ZNF292: variants seen among roughly 807,000 people sequenced by gnomAD.
The protein encoded by ZNF292 is zinc finger protein 292.
ZNF292 carries 26 observed loss-of-function variants against 217.9 expected under a neutral mutation model. The ratio of observed to expected loss-of-function variants is 0.12; its 90% confidence interval spans 0.09 to 0.17. ZNF292 has a LOEUF of 0.17. ZNF292 is among the 10% of genes least tolerant of loss of function. ZNF292 has a pLI of 1.00. For synonymous variants in ZNF292, 1,257 were observed against 1,124.1 expected, an observed-to-expected ratio of 1.12 and a Z score of -2.37; for missense variants, 2,904 against 3,175.2, an observed-to-expected ratio of 0.91 and a Z score of 2.05.
chr6:87,189,408 TTAAC>T (rs1040481108), intron 1 of ZNF292, among the ~76,000 whole-genome samples: 13 of 152,146 alleles, frequency 8.5e-5, no homozygotes, highest in East Asian at 1.9e-4. Context: ...ATTATTATTA[TTAAC>T]TAAGTCCATA....
rs187548657 is a variant in ZNF292, at chr6:87,239,253, C to T, written c.742-4222C>T. On this transcript the variant is annotated intron_variant, in intron 5 of 7. Transcript: ENST00000369577. ...GGGGCTCCTCAATTCCCAGAAGGGG[C>T]GGCCGGGCAAAGGCACCCCTCACCT... Among the ~76,000 whole-genome samples the T allele has an allele frequency of 4.5e-3, 679 of 149,422 alleles. 5 individuals carry two copies. The highest frequency in any genetic ancestry group is 0.018 in the Middle Eastern group (5 of 282).
At chr6:87,230,224 C>G (rs1008736071) in intron 4 of ZNF292, among the ~76,000 whole-genome samples, 4 of 151,982 alleles carry the variant, frequency 2.6e-5, no homozygotes, top group Non-Finnish European at 4.4e-5. Flanking sequence ...AACAGCTAGT[C>G]AAAGATGCTG....
rs1384730712 is a variant in ZNF292 at position 87,255,009 on chromosome 6, G to A, written c.1380G>A (p.Met460Ile). Residue 460 changes from methionine to isoleucine, a missense_variant, in exon 8 of 8, where the codon ATG (methionine) becomes ATA (isoleucine). Coordinates refer to ENST00000369577, the MANE Select transcript of ZNF292 (RefSeq NM_015021.3). ...KTLKRQCLALMGEEASIVSSI... is the reference protein window; with the variant it reads ...KTLKRQCLALIGEEASIVSSI... ...TGAAACGACAATGTCTTGCATTAAT[G>A]GGAGAAGAAGCATCCATTGTGTCTT... The A allele has an allele frequency of 6.2e-7, 1 of 1,613,642 alleles. No individual in the cohort carries two copies. The highest frequency in any genetic ancestry group is 1.3e-5 in the African/African-American group (1 of 74,914).
chr6:87,224,429 A>G lies in ZNF292; in HGVS notation c.538+5698A>G, dbSNP rs559120647. The stretch of plus-strand genomic sequence containing the variant: ...CGTGTGTCCACCATTACAGTAGTAT[A>G]CATAGTAGTTTCACTCCCTAAAAAA... On this transcript the variant is annotated intron_variant, in intron 4 of 7. Coordinates refer to ENST00000369577, the MANE Select transcript of ZNF292 (RefSeq NM_015021.3). Among the ~76,000 whole-genome samples the G allele has an allele frequency of 7.9e-5, 12 of 151,372 alleles. No individual in the cohort carries two copies. The South Asian group carries it at 2.1e-3, about 26-fold the overall frequency.
intron 5 of ZNF292, among the ~76,000 whole-genome samples, chr6:87,237,277 G>T (rs1428869566): frequency 6.6e-6 from 1 of 152,102 alleles, no homozygotes; most frequent in Non-Finnish European, 1.5e-5. Flanking sequence ...GAGTAAGCTT[G>T]CTCTGTTGCC....
chr6:87,252,943 T>G (rs1775005654), intron 7 of ZNF292, among the ~76,000 whole-genome samples: 1 of 151,984 alleles, frequency 6.6e-6, no homozygotes. Context: ...GGTCTTGCTC[T>G]GTTGCCCAGG....
intron 4 of ZNF292, among the ~76,000 whole-genome samples, chr6:87,220,444 T>C (rs1773027544): frequency 1.3e-5 from 2 of 152,130 alleles, no homozygotes; most frequent in Admixed American, 6.6e-5. Context: ...AGTATTTTTT[T>C]CATACCACAT....
chr6:87,155,807 A>G, intron 1 of ZNF292, 48 bp downstream of exon 1: 1 of 1,514,344 alleles, frequency 6.6e-7, no homozygotes, highest in Non-Finnish European at 8.8e-7. Context: ...CTAGAGGGGG[A>G]AGAGGGCGAG....
At chr6:87,164,745 G>A (rs1770858740) in intron 1 of ZNF292, among the ~76,000 whole-genome samples, 1 of 148,610 alleles carries the variant, frequency 6.7e-6, no homozygotes, top group South Asian at 2.1e-4. Flanking sequence ...GACTTTAGAA[G>A]ATTTGTGGAA....
intron 7 of ZNF292, among the ~76,000 whole-genome samples, chr6:87,252,401 C>T (rs1367342608): frequency 6.6e-6 from 1 of 152,146 alleles, no homozygotes; most frequent in Non-Finnish European, 1.5e-5. Context: ...GATCCACCTG[C>T]CTCAGCCTCC....
intron 4 of ZNF292, among the ~76,000 whole-genome samples, chr6:87,226,803 C>T (rs965607708): frequency 6.6e-6 from 1 of 151,726 alleles, no homozygotes; most frequent in African/African-American, 2.4e-5. Context: ...CTTAGCCTCC[C>T]GAGTAGCGGG....
intron 7 of ZNF292, chr6:87,249,416 C>A (rs1582501127): frequency 3.0e-6 from 1 of 328,102 alleles, no homozygotes; most frequent in South Asian, 2.4e-5. Context: ...GTATGAGCCA[C>A]CACACATGAC....
At chr6:87,165,259 A>G (rs950737460) in intron 1 of ZNF292, among the ~76,000 whole-genome samples, 2 of 152,066 alleles carry the variant, frequency 1.3e-5, no homozygotes, top group African/African-American at 4.8e-5. Context: ...GTGGCAGTCT[A>G]CCTCTTGTAA....
At position 87,256,205 on chromosome 6, in the gene ZNF292, A is replaced by AAG. The variant is rs759374055; in HGVS notation, c.2576_2577insAG (p.Asn860GlyfsTer25). 9.4e-5 allele frequency: 152 copies of AAG among 1,613,794 alleles called. No homozygotes were observed. Among genetic ancestry groups the AAG allele is most frequent in the Non-Finnish European group, 1.3e-4 (149 of 1,179,850 alleles). ...TCCATTCAGCCTTCTGAAGTGAATC[A>AAG]GAACACAGCAGAGAATATTGAGAAA... On this transcript the variant is annotated frameshift_variant, in exon 8 of 8. Coordinates refer to ENST00000369577, the MANE Select transcript of ZNF292 (RefSeq NM_015021.3). LOFTEE classifies it high-confidence loss of function.
chr6:87,161,200 A>G (rs2127768798), intron 1 of ZNF292, among the ~76,000 whole-genome samples: 1 of 152,304 alleles, frequency 6.6e-6, no homozygotes, highest in East Asian at 1.9e-4. Context: ...CAAATTCAGC[A>G]TAATTATCCT....
In ZNF292 at chr6:87,256,814, A is replaced by G. The variant is rs772392244; in HGVS notation, c.3185A>G (p.Asn1062Ser). Residue 1062 changes from asparagine to serine, a missense_variant, in exon 8 of 8, where the codon AAT (asparagine) becomes AGT (serine). Around this residue, in one of 15 missense-constraint regions of ZNF292, gnomAD observed 687 missense variants for 623.0 expected, o/e 1.10. Transcript: ENST00000369577. Reference sequence around the variant, plus strand: ...GTTAAAACATCATCCAATCTTTATAATTTACCTCTTAAGACATTAGAAAGT... The same window carrying G: ...GTTAAAACATCATCCAATCTTTATAGTTTACCTCTTAAGACATTAGAAAGT... Reference protein sequence around the residue: ...DNVKTSSNLYNLPLKTLESIA... With the variant: ...DNVKTSSNLYSLPLKTLESIA... 2.5e-6 allele frequency: 4 copies of G among 1,613,494 alleles called. No homozygotes were observed. The African/African-American group carries it at 5.3e-5, about 22-fold the overall frequency.
rs369464417 is a variant in ZNF292, at chr6:87,179,414, G to C, written c.168+23655G>C. On this transcript the variant is annotated intron_variant, in intron 1 of 7. Transcript: ENST00000369577. The stretch of plus-strand genomic sequence containing the variant: ...AACCTCAGGTGATCCGCCCGCATCA[G>C]CCTCCCAAAGTGCTGGGATTACAGG... Among the ~76,000 whole-genome samples the C allele has an allele frequency of 2.0e-4, 30 of 152,220 alleles. No individual in the cohort carries two copies. In the Middle Eastern group the frequency reaches 0.01, roughly 52 times the overall value.
intron 1 of ZNF292, among the ~76,000 whole-genome samples, chr6:87,209,604 G>C (rs1772396935): frequency 6.6e-6 from 1 of 152,180 alleles, no homozygotes; most frequent in Admixed American, 6.5e-5. Flanking sequence ...CAAATTAAGT[G>C]CATAAACTGA....
At chr6:87,231,062 A>G (rs951987128) in intron 4 of ZNF292, among the ~76,000 whole-genome samples, 9 of 152,292 alleles carry the variant, frequency 5.9e-5, no homozygotes, top group African/African-American at 2.2e-4. Flanking sequence ...CTTTGTTGCA[A>G]TATTGTAACA....
Sources: allele counts gnomAD v4.1 joint callset (sites outside exome capture counted in the v4.1 genomes callset), GRCh38; gene constraint gnomAD v4.1.1; regional missense constraint gnomAD v4.1.1; transcripts MANE v1.5; gene names NCBI Gene and HGNC (gene_info 2026-07-23, HGNC 2026-07-21).